The following LRRC4C variants were observed in gnomAD, a reference collection of about 807,000 sequenced individuals.
The protein encoded by LRRC4C is leucine-rich repeat-containing protein 4C.
LRRC4C carries 5 observed loss-of-function variants against 33.6 expected under a neutral mutation model. That is an observed-to-expected ratio of 0.15 (90% confidence interval 0.08 to 0.31). The LOEUF is 0.31. LRRC4C is among the 10% of genes least tolerant of loss of function. The pLI is 1.00. For synonymous variants in LRRC4C, 329 were observed against 302.0 expected, an observed-to-expected ratio of 1.09 and a Z score of -0.93; for missense variants, 560 against 796.7, an observed-to-expected ratio of 0.70 and a Z score of 3.58.
intron 1 of LRRC4C, among the ~76,000 whole-genome samples, chr11:41,346,608 T>C (rs886507115): frequency 6.6e-6 from 1 of 152,198 alleles, no homozygotes; most frequent in African/African-American, 2.4e-5. Context: ...TTGTATAAGA[T>C]ATCCTAGAAG....
intron 1 of LRRC4C, among the ~76,000 whole-genome samples, chr11:41,121,738 G>C (rs1040213821): frequency 3.9e-5 from 6 of 152,142 alleles, no homozygotes; most frequent in Middle Eastern, 3.2e-3. Context: ...CTGTCCACAT[G>C]CTAGAGGATA....
chr11:40,767,822 T>A (rs1949546053), intron 2 of LRRC4C, among the ~76,000 whole-genome samples: 1 of 151,946 alleles, frequency 6.6e-6, no homozygotes, highest in Admixed American at 6.6e-5. Context: ...AATGCATTTA[T>A]TACCATGAGA....
At chr11:40,736,006 G>GTT (rs34674705) in intron 2 of LRRC4C, among the ~76,000 whole-genome samples, 1 of 151,682 alleles carries the variant, frequency 6.6e-6, no homozygotes, top group African/African-American at 2.4e-5. Flanking sequence ...TGATGGGGTT[G>GTT]TTTTTTTCTT....
At chr11:40,759,766 T>A (rs1245596299) in intron 2 of LRRC4C, among the ~76,000 whole-genome samples, 1 of 152,024 alleles carries the variant, frequency 6.6e-6, no homozygotes, top group East Asian at 1.9e-4. Context: ...GTTGATATAA[T>A]CTTTATACAT....
intron 6 of LRRC4C, among the ~76,000 whole-genome samples, chr11:40,118,392 G>A (rs1253316205): frequency 1.3e-5 from 2 of 151,956 alleles, no homozygotes; most frequent in Non-Finnish European, 2.9e-5. Flanking sequence ...TAAGGATGAG[G>A]AATAGAATCC....
chr11:40,704,821 C>A (rs1215919555), intron 2 of LRRC4C, among the ~76,000 whole-genome samples: 2 of 152,018 alleles, frequency 1.3e-5, no homozygotes, highest in African/African-American at 4.8e-5. Context: ...TGTACACTTT[C>A]CTTCTGGAAA....
At chr11:40,264,364 C>T (rs1028296760) in intron 4 of LRRC4C, among the ~76,000 whole-genome samples, 1 of 152,142 alleles carries the variant, frequency 6.6e-6, no homozygotes, top group South Asian at 2.1e-4. Flanking sequence ...AAACCATTCT[C>T]AATTCTAAAT....
chr11:41,232,719 AAAT>A (rs1285907537), intron 1 of LRRC4C, among the ~76,000 whole-genome samples: 3 of 151,114 alleles, frequency 2.0e-5, no homozygotes, highest in African/African-American at 7.3e-5. Context: ...GATAAAGTTC[AAAT>A]AATATTACAT....
At chr11:41,376,069 GAGA>G (rs1279687138) in intron 1 of LRRC4C, among the ~76,000 whole-genome samples, 2 of 151,548 alleles carry the variant, frequency 1.3e-5, no homozygotes, top group African/African-American at 4.8e-5. Flanking sequence ...ATCTAAAAAT[GAGA>G]AGACTAGCAT....
At chr11:41,125,883 A>T (rs1009614888) in intron 1 of LRRC4C, among the ~76,000 whole-genome samples, 3 of 152,316 alleles carry the variant, frequency 2.0e-5, no homozygotes, top group South Asian at 2.1e-4. Flanking sequence ...AATATGCCAA[A>T]TGAATTTGTA....
rs865934931 is a variant in LRRC4C at position 40,726,557 on chromosome 11, C to T, written c.-406-78279G>A. Among the ~76,000 whole-genome samples, 12 of 152,240 alleles carry T rather than the reference C, an allele frequency of 7.9e-5. No homozygotes were observed. The South Asian group carries it at 1.9e-3, about 24-fold the overall frequency. Reference sequence around the variant, plus strand: ...AAAAGCTTTCTGTAAAATTCAACATCCTTTCATGATTAAAAACCCTTAACA... The same window carrying T: ...AAAAGCTTTCTGTAAAATTCAACATTCTTTCATGATTAAAAACCCTTAACA... On this transcript the variant is annotated intron_variant, in intron 2 of 6. Transcript: ENST00000528697.
At chr11:40,676,025 A>G (rs1234751438) in intron 2 of LRRC4C, among the ~76,000 whole-genome samples, 1 of 152,226 alleles carries the variant, frequency 6.6e-6, no homozygotes, top group Admixed American at 6.5e-5. Flanking sequence ...AGTTACTAAC[A>G]ATTTATTCAC....
In LRRC4C at chr11:41,375,855, A is replaced by G. The variant is rs185773725; in HGVS notation, c.-496+83576T>C. Among the ~76,000 whole-genome samples, 10 of 152,186 alleles carry G rather than the reference A, an allele frequency of 6.6e-5. No homozygotes were observed. In the East Asian group the frequency reaches 1.9e-3, roughly 29 times the overall value. Reference sequence around the variant, plus strand: ...AGAATAATATAGAAAGTACCTAGAGATTCCTAAATTTATATTAATATTCAT... The same window carrying G: ...AGAATAATATAGAAAGTACCTAGAGGTTCCTAAATTTATATTAATATTCAT... On this transcript the variant is annotated intron_variant, in intron 1 of 6. Coordinates refer to ENST00000528697, the MANE Select transcript of LRRC4C (RefSeq NM_001258419.2).
At chr11:40,207,539 T>C (rs546283517) in intron 5 of LRRC4C, among the ~76,000 whole-genome samples, 22 of 152,238 alleles carry the variant, frequency 1.4e-4, no homozygotes, top group Admixed American at 1.2e-3. Flanking sequence ...GAGCTTGAGG[T>C]TGCAGTGAGC....
chr11:40,269,018 T>C (rs1942491503), intron 4 of LRRC4C, among the ~76,000 whole-genome samples: 1 of 152,180 alleles, frequency 6.6e-6, no homozygotes, highest in Non-Finnish European at 1.5e-5. Context: ...AAGAAGCCAA[T>C]ATTGGTACTT....
intron 3 of LRRC4C, among the ~76,000 whole-genome samples, chr11:40,403,560 T>C (rs1949842900): frequency 6.6e-6 from 1 of 152,070 alleles, no homozygotes; most frequent in Non-Finnish European, 1.5e-5. Flanking sequence ...CAAGGTGGTC[T>C]ATGAAAATTG....
intron 2 of LRRC4C, among the ~76,000 whole-genome samples, chr11:40,702,454 T>G (rs1945910919): frequency 6.6e-6 from 1 of 152,196 alleles, no homozygotes; most frequent in Admixed American, 6.6e-5. Flanking sequence ...TCTCTTTCCT[T>G]CTTTTATTCC....
chr11:40,582,191 T>C (rs1010696218), intron 3 of LRRC4C, among the ~76,000 whole-genome samples: 3 of 152,144 alleles, frequency 2.0e-5, no homozygotes, highest in African/African-American at 7.2e-5. Flanking sequence ...ACAAGGAATA[T>C]ATAAAATAAC....
At chr11:40,383,965 TTGTA>T (rs887714291) in intron 3 of LRRC4C, among the ~76,000 whole-genome samples, 1 of 148,860 alleles carries the variant, frequency 6.7e-6, no homozygotes, top group African/African-American at 2.5e-5. Flanking sequence ...TGCTGTTGAG[TTGTA>T]TGTGTCTATT....
Sources: allele counts gnomAD v4.1 joint callset (sites outside exome capture counted in the v4.1 genomes callset), GRCh38; gene constraint gnomAD v4.1.1; transcripts MANE v1.5; gene names NCBI Gene and HGNC (gene_info 2026-07-23, HGNC 2026-07-21).